SORT1: variants seen among roughly 807,000 people sequenced by gnomAD.
SORT1 encodes sortilin.
Under a neutral mutation model 101.7 loss-of-function variants are expected in SORT1, and 39 were observed. The observed-to-expected ratio is 0.38, with a 90% CI of 0.30 to 0.50. The LOEUF (loss-of-function observed/expected upper bound fraction) is 0.50. Ranked by LOEUF, SORT1 falls within the 20% of genes least tolerant of loss-of-function variation. The pLI, the probability that SORT1 is intolerant of heterozygous loss-of-function variation, is 0.90. For synonymous variants in SORT1, 396 were observed against 393.7 expected, an observed-to-expected ratio of 1.01 and a Z score of -0.07; for missense variants, 878 against 1,040.4, an observed-to-expected ratio of 0.84 and a Z score of 2.15.
At position 109,397,916 on chromosome 1, in the gene SORT1, G is replaced by A; in HGVS notation, c.-24C>T. On this transcript the variant is annotated 5_prime_UTR_variant, in exon 1 of 20. Coordinates refer to ENST00000256637, the MANE Select transcript of SORT1 (RefSeq NM_002959.7). Reference sequence around the variant, plus strand: ...ATCGCCGCCGAATGCCGCCGACGCCGACACCTGCCGCCCGGCGCGCCCGCC... The same window carrying A: ...ATCGCCGCCGAATGCCGCCGACGCCAACACCTGCCGCCCGGCGCGCCCGCC... 4 of 1,136,298 alleles carry A rather than the reference G, an allele frequency of 3.5e-6. No individual in the cohort carries two copies. Among genetic ancestry groups the A allele is most frequent in the South Asian group, 4.2e-5 (1 of 24,006 alleles). The allele number at this position is 1,136,298 out of a possible 1,614,324, so 70.4% of individuals were successfully genotyped here. A position where few individuals can be genotyped will look rare whatever the true frequency, so the allele number is the denominator to read the frequency against.
At chr1:109,367,345 A>G in intron 3 of SORT1, 63 bp downstream of exon 3, 1 of 957,348 alleles carries the variant, frequency 1.0e-6, no homozygotes, top group Non-Finnish European at 1.6e-6. Context: ...TGTCTAGAAA[A>G]GGGAGAATCT....
intron 1 of SORT1, among the ~76,000 whole-genome samples, chr1:109,384,849 A>T (rs1404545433): frequency 6.6e-6 from 1 of 152,128 alleles, no homozygotes; most frequent in Non-Finnish European, 1.5e-5. Flanking sequence ...AGGCCAAGGC[A>T]GGTGGATCAC....
chr1:109,355,389 A>G lies in SORT1; in HGVS notation c.521T>C (p.Ile174Thr). 6.3e-7 allele frequency: 1 copy of G among 1,593,932 alleles called. No homozygotes were observed. The highest frequency in any genetic ancestry group is 8.6e-7 in the Non-Finnish European group (1 of 1,161,660). Reference protein sequence around the residue: ...TFIRTEFGMAIGPENSGKVVL... With the variant: ...TFIRTEFGMATGPENSGKVVL... ...CACCTTTCCAGAGTTCTCAGGACCAATAGCCATGCCAAATTCAGTCCGAAT... is the reference window on the plus strand; with the variant it reads ...CACCTTTCCAGAGTTCTCAGGACCAGTAGCCATGCCAAATTCAGTCCGAAT... Residue 174 changes from isoleucine (I) to threonine (T), a missense_variant, in exon 4 of 20, where the codon ATT becomes ACT. Physicochemically the swap from Ile to Thr is moderately conservative, Grantham distance 89 (BLOSUM62 -1). This residue lies in a region of SORT1 where 684 missense variants were observed against 894.5 expected (regional missense o/e 0.76). Transcript: ENST00000256637.
chr1:109,378,972 G>A (rs979302308), intron 1 of SORT1, among the ~76,000 whole-genome samples: 38 of 150,818 alleles, frequency 2.5e-4, no homozygotes, highest in Middle Eastern at 3.4e-3. Context: ...GTGAAACTCC[G>A]TCTCTACTAA....
chr1:109,324,393 C>T (rs925721939), intron 14 of SORT1, among the ~76,000 whole-genome samples: 2 of 152,138 alleles, frequency 1.3e-5, no homozygotes, highest in Admixed American at 6.5e-5. Context: ...ATCTTGGCCT[C>T]TCAAAGTGCT....
At chr1:109,382,700 G>T (rs894059242) in intron 1 of SORT1, among the ~76,000 whole-genome samples, 1 of 152,180 alleles carries the variant, frequency 6.6e-6, no homozygotes, top group Non-Finnish European at 1.5e-5. Context: ...CTCGGTAGGG[G>T]AGCTCTGGGA....
intron 15 of SORT1, among the ~76,000 whole-genome samples, chr1:109,319,109 T>C (rs1647444721): frequency 6.6e-6 from 1 of 152,170 alleles, no homozygotes; most frequent in Admixed American, 6.5e-5. Flanking sequence ...CAAATGTCAT[T>C]ATTATGTTGC....
Position 109,323,137 on chromosome 1 carries a change from A to T in SORT1, c.1835-16T>A, listed in dbSNP as rs756382216. 3.1e-6 allele frequency: 5 copies of T among 1,607,040 alleles called. No individual in the cohort carries two copies. Among genetic ancestry groups the T allele is most frequent in the Non-Finnish European group, 4.3e-6 (5 of 1,173,748 alleles). ...TTCTCTTCACCTAAAGGAGAGACAC[A>T]CTGTTCAGGAAAGTACACAGCACAG... is the stretch of plus-strand genomic sequence containing the variant. On this transcript the variant is annotated splice_polypyrimidine_tract_variant and intron_variant, in intron 14 of 19. Transcript: ENST00000256637.
intron 1 of SORT1, among the ~76,000 whole-genome samples, chr1:109,380,136 AC>A (rs1466756299): frequency 2.0e-5 from 3 of 151,984 alleles, no homozygotes; most frequent in African/African-American, 4.8e-5. Context: ...AAACAAAAAA[AC>A]AATAGCCAGG....
intron 3 of SORT1, among the ~76,000 whole-genome samples, chr1:109,361,357 C>T (rs902754987): frequency 1.1e-4 from 16 of 152,210 alleles, no homozygotes; most frequent in Non-Finnish European, 8.8e-5. Flanking sequence ...TGTCCAACAA[C>T]AAGTTCCTCA....
Position 109,312,006 on chromosome 1 carries a change from A to G in SORT1, c.*2037T>C, listed in dbSNP as rs1386813315. On this transcript the variant is annotated 3_prime_UTR_variant, in exon 20 of 20. Coordinates refer to ENST00000256637, the MANE Select transcript of SORT1 (RefSeq NM_002959.7). Reference sequence around the variant, plus strand: ...TTGCCAAGTTCCACAGAAATCCCAGATATCATTAAAAGCGAAGAGCCCTAT... The same window carrying G: ...TTGCCAAGTTCCACAGAAATCCCAGGTATCATTAAAAGCGAAGAGCCCTAT... The G allele has an allele frequency of 6.6e-6, 1 of 152,354 alleles. No homozygotes were observed. Among genetic ancestry groups the G allele is most frequent in the Non-Finnish European group, 1.5e-5 (1 of 68,046 alleles). 9.4% of individuals were successfully genotyped at this position (152,354 alleles called of 1,614,324 possible).
At chr1:109,336,765 T>A (rs1056993336) in intron 10 of SORT1, among the ~76,000 whole-genome samples, 6 of 148,396 alleles carry the variant, frequency 4.0e-5, no homozygotes, top group African/African-American at 1.0e-4. Flanking sequence ...GTCAAGATCA[T>A]GCCATTGCAC....
At chr1:109,323,784 G>A (rs1647800724) in intron 14 of SORT1, among the ~76,000 whole-genome samples, 1 of 152,218 alleles carries the variant, frequency 6.6e-6, no homozygotes, top group Admixed American at 6.5e-5. Flanking sequence ...GCCTGCTAAA[G>A]AGCAGGTGCT....
intron 1 of SORT1, among the ~76,000 whole-genome samples, chr1:109,381,097 T>C (rs1379230587): frequency 6.6e-6 from 1 of 152,158 alleles, no homozygotes; most frequent in Non-Finnish European, 1.5e-5. Flanking sequence ...GGAGAGCTAT[T>C]TGGTGATGCA....
At chr1:109,373,601 CTG>C (rs1651631325) in intron 1 of SORT1, among the ~76,000 whole-genome samples, 1 of 152,206 alleles carries the variant, frequency 6.6e-6, no homozygotes, top group Non-Finnish European at 1.5e-5. Flanking sequence ...ACATTTACCT[CTG>C]TGGTAAAGAA....
chr1:109,319,931 T>A (rs1647511081), intron 15 of SORT1, among the ~76,000 whole-genome samples: 2 of 150,988 alleles, frequency 1.3e-5, no homozygotes, highest in Non-Finnish European at 2.9e-5. Flanking sequence ...TCAATAATCA[T>A]CAAATTCAGT....
intron 3 of SORT1, among the ~76,000 whole-genome samples, chr1:109,357,692 T>C (rs1461867348): frequency 2.0e-5 from 3 of 152,200 alleles, no homozygotes; most frequent in Non-Finnish European, 2.9e-5. Context: ...CATGTGTGTA[T>C]GTAGAGGTCC....
chr1:109,358,832 G>A (rs1650512441), intron 3 of SORT1, among the ~76,000 whole-genome samples: 2 of 148,804 alleles, frequency 1.3e-5, no homozygotes, highest in Admixed American at 6.7e-5. Flanking sequence ...CAGCCTGGGC[G>A]ACAGAGTGAG....
At chr1:109,374,204 C>A (rs2101634384) in intron 1 of SORT1, among the ~76,000 whole-genome samples, 1 of 152,208 alleles carries the variant, frequency 6.6e-6, no homozygotes, top group African/African-American at 2.4e-5. Flanking sequence ...AAGGACATTG[C>A]AACAGTTGTA....
Sources: gnomAD v4.1 joint callset for allele counts (sites outside exome capture counted in the v4.1 genomes callset) on GRCh38, gnomAD v4.1.1 for gene constraint, gnomAD v4.1.1 regional missense constraint, MANE v1.5 for transcripts, NCBI Gene and HGNC (gene_info 2026-07-23, HGNC 2026-07-21) for gene names.